Variants in INSL6 observed in about 807,000 individuals in gnomAD.
INSL6 encodes the protein insulin like 6.
INSL6 carries 16 observed loss-of-function variants against 9.4 expected under a neutral mutation model. The observed-to-expected ratio is 1.70, with a 90% CI of 1.15 to 2.59. The LOEUF is 2.59. Ranked by LOEUF, INSL6 falls within the 30% of genes most tolerant of loss-of-function variation. The probability of loss-of-function intolerance (pLI) is 0.00; values close to 1 mark genes in which losing one functional copy is unlikely to be tolerated. For missense variants in INSL6, 391 were observed against 257.3 expected, an observed-to-expected ratio of 1.52 and a Z score of -3.56; for synonymous variants, 154 against 96.9, an observed-to-expected ratio of 1.59 and a Z score of -3.46.
At chr9:5,017,703 T>C in the INSL6 span, among the ~76,000 whole-genome samples, 5 of 152,236 alleles carry the variant, frequency 3.3e-5, no homozygotes, top group East Asian at 5.8e-4. Context: ...CAAGGAATTA[T>C]GTATTTTTGA....
intron 2 of INSL6, among the ~76,000 whole-genome samples, chr9:5,152,923 G>C (rs1014063933): frequency 6.6e-6 from 1 of 152,066 alleles, no homozygotes; most frequent in African/African-American, 2.4e-5. Flanking sequence ...GTGGAGCGTC[G>C]CCTCACCCGG....
At chr9:5,033,320 G>T in the INSL6 span, among the ~76,000 whole-genome samples, 1 of 152,170 alleles carries the variant, frequency 6.6e-6, no homozygotes, top group African/African-American at 2.4e-5. Context: ...CACTCTGCAG[G>T]ATATTATCCA....
chr9:5,064,356 C>T, the INSL6 span, among the ~76,000 whole-genome samples: 1 of 151,908 alleles, frequency 6.6e-6, no homozygotes, highest in Non-Finnish European at 1.5e-5. Flanking sequence ...ATGGCGAGAA[C>T]CTGTCTTTAC....
At position 5,150,354 on chromosome 9, in the gene INSL6, G is replaced by C. The variant is rs533340682; in HGVS notation, c.376+13825C>G. 8.4e-4 allele frequency among the ~76,000 whole-genome samples: 128 copies of C among 152,190 alleles called. 1 individual carries two copies. The highest frequency in any genetic ancestry group is 3.7e-3 in the Admixed American group (57 of 15,288). On this transcript the variant is annotated intron_variant, in intron 2 of 3. Transcript: ENST00000649639. ...TTTGCAAGCTATGAATCTGATAAAA[G>C]ACTAATATCCAGAATCTACAAGGAA...
At chr9:5,029,932 C>G in the INSL6 span, 2 of 1,553,748 alleles carry the variant, frequency 1.3e-6, no homozygotes, top group Non-Finnish European at 1.7e-6. Context: ...AAGTAACTCA[C>G]TTAATGCTAA....
At chr9:5,167,754 C>T (rs771423293) in intron 1 of INSL6, among the ~76,000 whole-genome samples, 5 of 152,216 alleles carry the variant, frequency 3.3e-5, no homozygotes, top group Non-Finnish European at 7.3e-5. Context: ...AGCCAGACTG[C>T]TTATTTAAGT....
At chr9:5,029,630 T>G in the INSL6 span, among the ~76,000 whole-genome samples, 1 of 152,214 alleles carries the variant, frequency 6.6e-6, no homozygotes. Context: ...ATAATTCAGT[T>G]GTAGGGGTTG....
At chr9:5,141,505 GAA>G (rs1268311828) in intron 2 of INSL6, among the ~76,000 whole-genome samples, 1 of 152,010 alleles carries the variant, frequency 6.6e-6, no homozygotes, top group Non-Finnish European at 1.5e-5. Context: ...TGTCTTCTTT[GAA>G]AAGTGTCTGT....
At chr9:5,090,580 A>C in the INSL6 span, 14 of 1,559,780 alleles carry the variant, frequency 9.0e-6, no homozygotes, top group Admixed American at 1.4e-4. Flanking sequence ...GGTAACTAAT[A>C]TCCTGATTAT....
intron 1 of INSL6, among the ~76,000 whole-genome samples, chr9:5,170,304 T>C (rs1021583728): frequency 6.6e-6 from 1 of 152,098 alleles, no homozygotes; most frequent in African/African-American, 2.4e-5. Context: ...TTGAAATCAA[T>C]GAGAACAAAG....
At chr9:5,090,960 A>G in the INSL6 span, 3 of 1,264,782 alleles carry the variant, frequency 2.4e-6, no homozygotes, top group Non-Finnish European at 3.3e-6. Context: ...ACAGACTTCA[A>G]ACTTTATTGT....
At chr9:5,169,570 A>G (rs1487881508) in intron 1 of INSL6, among the ~76,000 whole-genome samples, 1 of 152,194 alleles carries the variant, frequency 6.6e-6, no homozygotes, top group Non-Finnish European at 1.5e-5. Context: ...TAAAAGACAC[A>G]AAGGGCAAGC....
chr9:5,112,816 G>C, the INSL6 span: 5 of 552,178 alleles, frequency 9.1e-6, no homozygotes, highest in East Asian at 3.8e-5. Flanking sequence ...ACCTGGGCTT[G>C]AGTGAAGCCC....
At chr9:5,123,272 T>C, downstream of INSL6, 1 of 527,758 alleles carries the variant, frequency 1.9e-6, no homozygotes, top group Non-Finnish European at 3.4e-6. Flanking sequence ...ATAACATACA[T>C]TGTATCCCTT....
the INSL6 span, among the ~76,000 whole-genome samples, chr9:5,001,332 G>T: frequency 2.6e-5 from 4 of 152,076 alleles, no homozygotes; most frequent in Non-Finnish European, 5.9e-5. Flanking sequence ...GTTTGTAGAT[G>T]ATCTTTATTT....
At chr9:5,017,737 A>T in the INSL6 span, among the ~76,000 whole-genome samples, 1 of 152,244 alleles carries the variant, frequency 6.6e-6, no homozygotes. Flanking sequence ...TTAAAGTTGC[A>T]TATCCAGTTG....
chr9:5,114,529 G>T, the INSL6 span: 2 of 468,096 alleles, frequency 4.3e-6, no homozygotes, highest in Non-Finnish European at 8.4e-6. Flanking sequence ...GAAGAGCCGA[G>T]GAACCAGGAC....
chr9:5,078,455 G>C, the INSL6 span: 13 of 1,608,026 alleles, frequency 8.1e-6, no homozygotes, highest in Admixed American at 1.7e-5. Context: ...GTAAGTTCTA[G>C]AAGGATTATA....
the INSL6 span, chr9:5,029,755 A>C: frequency 1.9e-6 from 3 of 1,589,790 alleles, no homozygotes; most frequent in Non-Finnish European, 2.6e-6. Flanking sequence ...TGTACCTTTA[A>C]TAATTCCTTT....
Sources: allele counts gnomAD v4.1 joint callset (sites outside exome capture counted in the v4.1 genomes callset), GRCh38; gene constraint gnomAD v4.1.1; transcripts MANE v1.5; gene names NCBI Gene and HGNC (gene_info 2026-07-23, HGNC 2026-07-21).